Variants in KRABD3 observed in about 807,000 individuals in gnomAD.
KRABD3 encodes KRAB domain containing 3.
the KRABD3 span, chr7:149,733,382 C>T: frequency 6.2e-7 from 1 of 1,611,724 alleles, no homozygotes; most frequent in Non-Finnish European, 8.5e-7. Flanking sequence ...CGGTGCTGCC[C>T]TTGCGGAGAA....
chr7:149,732,775 C>A, the KRABD3 span, among the ~76,000 whole-genome samples: 1 of 152,050 alleles, frequency 6.6e-6, no homozygotes, highest in African/African-American at 2.4e-5. This position sits in a 1 kb window ranked among gnomAD's most constrained non-coding sequence, Gnocchi z 4.0. Flanking sequence ...GCGCAGAAGG[C>A]CCTTGGCTTG....
chr7:149,723,352 T>A, the KRABD3 span, among the ~76,000 whole-genome samples: 1 of 152,264 alleles, frequency 6.6e-6, no homozygotes, highest in African/African-American at 2.4e-5. Context: ...GCCTTGAGCC[T>A]AGGCTGTTCC....
the KRABD3 span, chr7:149,721,434 A>ACGGCCCTACCAGC: frequency 6.2e-7 from 1 of 1,612,240 alleles, no homozygotes; most frequent in Non-Finnish European, 8.5e-7. Context: ...TGCCTTCCAG[A>ACGGCCCTACCAGC]CGGCCCTACC....
the KRABD3 span, chr7:149,723,917 G>A: frequency 6.2e-7 from 1 of 1,609,292 alleles, no homozygotes; most frequent in Non-Finnish European, 8.5e-7. Flanking sequence ...GGCTGGGAGG[G>A]CCCCCAGACA....
At chr7:149,728,618 G>T in the KRABD3 span, 2 of 1,613,696 alleles carry the variant, frequency 1.2e-6, no homozygotes, top group East Asian at 4.5e-5. Context: ...CTGCTCCTCA[G>T]CAGCAGACAG....
At chr7:149,725,962 C>A in the KRABD3 span, 1 of 1,605,476 alleles carries the variant, frequency 6.2e-7, no homozygotes, top group East Asian at 2.2e-5. Context: ...CCCCTGGCCC[C>A]CCGAGGAACC....
At chr7:149,720,085 G>A in the KRABD3 span, 13 of 1,553,236 alleles carry the variant, frequency 8.4e-6, no homozygotes, top group African/African-American at 2.7e-5. Flanking sequence ...AGGGAGCCAC[G>A]CTGATGAGGG....
At chr7:149,726,160 TG>T in the KRABD3 span, 1 of 1,072,964 alleles carries the variant, frequency 9.3e-7, no homozygotes, top group East Asian at 2.6e-5. Flanking sequence ...CCCATGCCCG[TG>T]CTGGGAGCAG....
chr7:149,732,381 T>C, the KRABD3 span, among the ~76,000 whole-genome samples: 2 of 152,172 alleles, frequency 1.3e-5, no homozygotes, highest in African/African-American at 4.8e-5. This position sits in a 1 kb window ranked among gnomAD's most constrained non-coding sequence, Gnocchi z 4.0. Flanking sequence ...GGTTGGGTCC[T>C]TTAGCTACTC....
chr7:149,720,860 C>A, the KRABD3 span: 1 of 1,600,864 alleles, frequency 6.2e-7, no homozygotes, highest in South Asian at 1.1e-5. Flanking sequence ...ACAGCCTGCA[C>A]CTCACAGCCC....
chr7:149,717,425 C>T, the KRABD3 span, among the ~76,000 whole-genome samples: 5 of 152,254 alleles, frequency 3.3e-5, no homozygotes, highest in Non-Finnish European at 7.3e-5. Flanking sequence ...GCACGCTCTT[C>T]TGCATAGACC....
the KRABD3 span, among the ~76,000 whole-genome samples, chr7:149,728,936 C>T: frequency 7.2e-5 from 11 of 152,274 alleles, no homozygotes; most frequent in East Asian, 3.9e-4. Context: ...TTGTCCCGGC[C>T]GTGCCAGCCC....
chr7:149,723,852 ACAGGAGAATC>A, the KRABD3 span: 1 of 1,613,860 alleles, frequency 6.2e-7, no homozygotes, highest in East Asian at 2.2e-5. Context: ...ACCGACGGCT[ACAGGAGAATC>A]CAGGAGCCTG....
the KRABD3 span, chr7:149,733,263 C>T: frequency 6.2e-7 from 1 of 1,612,232 alleles, no homozygotes. Flanking sequence ...AGTGAGTCTC[C>T]CCCTCCGGAG....
At chr7:149,723,900 C>T in the KRABD3 span, 2 of 1,611,954 alleles carry the variant, frequency 1.2e-6, no homozygotes, top group South Asian at 2.2e-5. Context: ...GTAAAGGCTT[C>T]TCGCTGGGCT....
chr7:149,728,635 G>C, the KRABD3 span: 1 of 1,613,486 alleles, frequency 6.2e-7, no homozygotes, highest in Non-Finnish European at 8.5e-7. Flanking sequence ...ACAGGGGACC[G>C]AGGAGAGCAG....
chr7:149,724,610 C>A, the KRABD3 span: 3 of 1,434,314 alleles, frequency 2.1e-6, no homozygotes, highest in Non-Finnish European at 2.8e-6. Context: ...CAGGGTGAGT[C>A]CAGGCCTGAA....
At chr7:149,718,971 T>C in the KRABD3 span, among the ~76,000 whole-genome samples, 1 of 152,158 alleles carries the variant, frequency 6.6e-6, no homozygotes, top group South Asian at 2.1e-4. Context: ...CCAGGTTTCT[T>C]CTGAGCACTT....
At chr7:149,720,216 C>A in the KRABD3 span, 1 of 1,404,026 alleles carries the variant, frequency 7.1e-7, no homozygotes, top group Non-Finnish European at 9.7e-7. Flanking sequence ...CTCAGTCCAG[C>A]CTCTCACCTC....
Sources: gnomAD v4.1 joint callset for allele counts (sites outside exome capture counted in the v4.1 genomes callset) on GRCh38, gnomAD v4.1.1 for gene constraint, Gnocchi (gnomAD v3.1) non-coding constraint, MANE v1.5 for transcripts, NCBI Gene and HGNC (gene_info 2026-07-23, HGNC 2026-07-21) for gene names.